The following ZNF536 variants were observed in gnomAD, a reference collection of about 807,000 sequenced individuals.
ZNF536 encodes zinc finger protein 536.
Under a neutral mutation model 84.5 loss-of-function variants are expected in ZNF536, and 13 were observed. The ratio of observed to expected loss-of-function variants is 0.15; its 90% CI spans 0.10 to 0.24. The LOEUF (loss-of-function observed/expected upper bound fraction) is 0.24, where lower values mean the gene tolerates loss of function less well. Ranked by LOEUF, ZNF536 falls within the 10% of genes least tolerant of loss-of-function variation. ZNF536 has a pLI of 1.00. For synonymous variants in ZNF536, 811 were observed against 742.5 expected (o/e 1.09, Z -1.50); for missense variants, 1,536 against 1,747.5 (o/e 0.88, Z 2.16).
chr19:30,617,113 G>A (rs1314862856), intron 1 of ZNF536, among the ~76,000 whole-genome samples: 2 of 151,330 alleles, frequency 1.3e-5, no homozygotes, highest in Admixed American at 6.6e-5. Flanking sequence ...TTATTGAATA[G>A]CCTCCTTTTT....
intron 1 of ZNF536, among the ~76,000 whole-genome samples, chr19:30,424,693 C>T (rs897909911): frequency 2.0e-5 from 3 of 152,158 alleles, no homozygotes; most frequent in South Asian, 2.1e-4. Flanking sequence ...GCCTTCTTTC[C>T]GGAAGACTCT....
At chr19:30,349,637 C>T (rs1397811493) in intron 2 of ZNF536, among the ~76,000 whole-genome samples, 2 of 152,036 alleles carry the variant, frequency 1.3e-5, no homozygotes, top group East Asian at 3.9e-4. Flanking sequence ...AGTGGTACCC[C>T]ACACCCTCCT....
intron 2 of ZNF536, among the ~76,000 whole-genome samples, chr19:30,326,487 C>T (rs969283567): frequency 4.6e-5 from 7 of 152,140 alleles, no homozygotes; most frequent in African/African-American, 7.2e-5. Context: ...TCCAGGCAGC[C>T]GGACAAGTCA....
rs148640737 is a variant in ZNF536, at chr19:30,581,343, G to C, written c.169+31829G>C. 1.2e-4 allele frequency among the ~76,000 whole-genome samples: 19 copies of C among 152,262 alleles called. No individual in the cohort carries two copies. The East Asian group carries it at 3.3e-3, about 26-fold the overall frequency. ...AATACAAAAATTAGCTGGGCATGGT[G>C]GTGGGCGCCTGTAGTCCCAGCTACT... On this transcript the variant is annotated intron_variant, in intron 1 of 1. Coordinates refer to the ZNF536 transcript ENST00000592773.
At chr19:30,516,610 T>C (rs922824267) in intron 2 of ZNF536, among the ~76,000 whole-genome samples, 2 of 152,202 alleles carry the variant, frequency 1.3e-5, no homozygotes, top group Non-Finnish European at 2.9e-5. Flanking sequence ...TGAGTGACTC[T>C]GTGGGCCAGC....
intron 2 of ZNF536, among the ~76,000 whole-genome samples, chr19:30,317,874 A>G (rs561510830): frequency 7.2e-5 from 11 of 152,348 alleles, no homozygotes; most frequent in Middle Eastern, 3.4e-3. Flanking sequence ...ACAGCTACCT[A>G]TAGAAAACAC....
chr19:30,235,659 A>G (rs534370856), intron 1 of ZNF536, among the ~76,000 whole-genome samples: 1 of 152,158 alleles, frequency 6.6e-6, no homozygotes, highest in Non-Finnish European at 1.5e-5. Context: ...AGCTTACACA[A>G]TTTTTGTGTG....
intron 1 of ZNF536, among the ~76,000 whole-genome samples, chr19:30,580,740 A>T (rs2046892436): frequency 6.6e-6 from 1 of 151,604 alleles, no homozygotes; most frequent in African/African-American, 2.4e-5. Flanking sequence ...AGCTCATCCT[A>T]CTCTTTTCTT....
chr19:30,655,274 A>C (rs1378952913), intron 1 of ZNF536, among the ~76,000 whole-genome samples: 3 of 152,248 alleles, frequency 2.0e-5, no homozygotes, highest in Non-Finnish European at 2.9e-5. Flanking sequence ...GGGTGACTGC[A>C]AGAGCTTCCT....
Position 30,548,561 on chromosome 19 carries a change from G to A in ZNF536, c.2942G>A (p.Arg981Gln), listed in dbSNP as rs542930761. Residue 981 changes from arginine to glutamine, a missense_variant, in exon 4 of 5, where the codon CGG (arginine) becomes CAG (glutamine). Coordinates refer to ENST00000355537, the MANE Select transcript of ZNF536 (RefSeq NM_014717.3). ...SQYEPLDLSVRPDAASLPGSS... is the reference protein window; with the variant it reads ...SQYEPLDLSVQPDAASLPGSS... The stretch of plus-strand genomic sequence containing the variant: ...TATGAACCCCTGGACTTGTCTGTGC[G>A]GCCAGATGCCGCCTCCCTCCCGGGC... 28 of 1,614,094 alleles carry A rather than the reference G, an allele frequency of 1.7e-5. No homozygotes were observed. Among genetic ancestry groups the A allele is most frequent in the African/African-American group, 6.7e-5 (5 of 75,050 alleles).
At chr19:30,403,707 C>A (rs1365828966) in intron 1 of ZNF536, among the ~76,000 whole-genome samples, 1 of 152,252 alleles carries the variant, frequency 6.6e-6, no homozygotes, top group Non-Finnish European at 1.5e-5. Flanking sequence ...CTGTCTGCTG[C>A]TGCACTCGGC....
intron 1 of ZNF536, among the ~76,000 whole-genome samples, chr19:30,600,982 A>C (rs1015968188): frequency 6.6e-6 from 1 of 152,094 alleles, no homozygotes; most frequent in African/African-American, 2.4e-5. Context: ...TTACTGATGG[A>C]GTTGGTTAGA....
intron 2 of ZNF536, among the ~76,000 whole-genome samples, chr19:30,466,762 A>G (rs1443480924): frequency 4.3e-5 from 3 of 69,908 alleles, no homozygotes; most frequent in Non-Finnish European, 7.9e-5. Context: ...GGAGGGAAGG[A>G]AGGAAGGAAG....
At chr19:30,403,468 G>C (rs2050137441) in intron 1 of ZNF536, among the ~76,000 whole-genome samples, 1 of 152,176 alleles carries the variant, frequency 6.6e-6, no homozygotes, top group Non-Finnish European at 1.5e-5. Context: ...CATCGTTGTG[G>C]CATTTGGGTA....
At chr19:30,302,101 A>G (rs749603149) in intron 2 of ZNF536, among the ~76,000 whole-genome samples, 4 of 152,194 alleles carry the variant, frequency 2.6e-5, no homozygotes, top group Non-Finnish European at 4.4e-5. Context: ...ATTTTTTCCC[A>G]GCACTATTAA....
At chr19:30,524,388 C>T (rs970333473) in intron 2 of ZNF536, among the ~76,000 whole-genome samples, 20 of 152,150 alleles carry the variant, frequency 1.3e-4, no homozygotes, top group African/African-American at 4.6e-4. Flanking sequence ...TGGGATCACT[C>T]GGCTGGTTAA....
At chr19:30,497,383 C>A (rs899478772) in intron 2 of ZNF536, among the ~76,000 whole-genome samples, 2 of 152,200 alleles carry the variant, frequency 1.3e-5, no homozygotes, top group African/African-American at 4.8e-5. Context: ...GGGACGCATC[C>A]AGTGTAGATG....
At chr19:30,685,789 G>T (rs1357547455) in intron 1 of ZNF536, among the ~76,000 whole-genome samples, 2 of 152,154 alleles carry the variant, frequency 1.3e-5, no homozygotes, top group Non-Finnish European at 2.9e-5. Context: ...CATGGGCTGG[G>T]ACGCTGTCAG....
intron 1 of ZNF536, among the ~76,000 whole-genome samples, chr19:30,635,503 T>C (rs1447440381): frequency 6.6e-6 from 1 of 152,186 alleles, no homozygotes; most frequent in Non-Finnish European, 1.5e-5. Context: ...GGCACTCTCT[T>C]GTCCCACCCT....
Sources: allele counts gnomAD v4.1 joint callset (sites outside exome capture counted in the v4.1 genomes callset), GRCh38; gene constraint gnomAD v4.1.1; transcripts MANE v1.5; gene names NCBI Gene and HGNC (gene_info 2026-07-23, HGNC 2026-07-21).